Variants in NRXN3 observed in about 807,000 individuals in gnomAD.
NRXN3 encodes neurexin 3.
In NRXN3, 32 loss-of-function variants were observed where a neutral mutation model predicts 137.6. The observed-to-expected ratio is 0.23, with a 90% CI of 0.18 to 0.31. NRXN3 has a LOEUF of 0.31. Ranked by LOEUF, NRXN3 falls within the 10% of genes least tolerant of loss-of-function variation. NRXN3 has a pLI of 1.00. For missense variants in NRXN3, 1,574 were observed against 2,062.5 expected (o/e 0.76, Z 4.59); for synonymous variants, 798 against 784.5 (o/e 1.02, Z -0.29).
At chr14:78,847,805 A>G (rs1421647937) in intron 10 of NRXN3, among the ~76,000 whole-genome samples, 2 of 152,088 alleles carry the variant, frequency 1.3e-5, no homozygotes, top group South Asian at 2.1e-4. Flanking sequence ...GTTTTGGAGA[A>G]CCAGGTGTCA....
At chr14:79,114,371 T>G (rs2054033486) in intron 15 of NRXN3, among the ~76,000 whole-genome samples, 1 of 152,180 alleles carries the variant, frequency 6.6e-6, no homozygotes, top group Non-Finnish European at 1.5e-5. Flanking sequence ...ATTCTTTTTT[T>G]TTGTTATGAG....
intron 4 of NRXN3, among the ~76,000 whole-genome samples, chr14:78,598,205 A>T (rs1360024663): frequency 6.6e-6 from 1 of 152,140 alleles, no homozygotes; most frequent in Non-Finnish European, 1.5e-5. Context: ...AGAGGCGTGG[A>T]TGTGACTCTG....
At chr14:78,439,138 A>G (rs1465521130) in intron 4 of NRXN3, among the ~76,000 whole-genome samples, 1 of 152,120 alleles carries the variant, frequency 6.6e-6, no homozygotes, top group Non-Finnish European at 1.5e-5. Context: ...GGGAACACAG[A>G]GCCAGTGGGG....
At chr14:79,039,374 A>T (rs2099621411) in intron 15 of NRXN3, among the ~76,000 whole-genome samples, 1 of 152,160 alleles carries the variant, frequency 6.6e-6, no homozygotes, top group African/African-American at 2.4e-5. Flanking sequence ...TTAATATAAC[A>T]GTTTCCACTC....
intron 4 of NRXN3, among the ~76,000 whole-genome samples, chr14:78,604,367 A>G (rs1289822139): frequency 1.3e-5 from 2 of 151,956 alleles, no homozygotes; most frequent in Non-Finnish European, 2.9e-5. Flanking sequence ...AGGGATGACA[A>G]GAGAGTCACA....
chr14:79,728,944 T>C (rs1479148729), intron 19 of NRXN3, among the ~76,000 whole-genome samples: 1 of 152,188 alleles, frequency 6.6e-6, no homozygotes, highest in Non-Finnish European at 1.5e-5. Flanking sequence ...GAACACCTAC[T>C]ATGTGCCAGG....
chr14:79,790,224 C>T (rs1361429651), intron 19 of NRXN3, among the ~76,000 whole-genome samples: 1 of 152,088 alleles, frequency 6.6e-6, no homozygotes, highest in African/African-American at 2.4e-5. Flanking sequence ...CTGGTAAGGC[C>T]TCAAGAAGCT....
intron 16 of NRXN3, among the ~76,000 whole-genome samples, chr14:79,541,739 C>G (rs2097274895): frequency 6.6e-6 from 1 of 152,172 alleles, no homozygotes; most frequent in Non-Finnish European, 1.5e-5. Context: ...CCTAATGCCT[C>G]TAGCCAAAGA....
intron 16 of NRXN3, among the ~76,000 whole-genome samples, chr14:79,649,758 C>A (rs1408447031): frequency 6.6e-6 from 1 of 152,292 alleles, no homozygotes; most frequent in African/African-American, 2.4e-5. Context: ...TAGTTTCAAT[C>A]TTCTAAACTT....
At chr14:79,474,840 G>A (rs1050243323) in intron 16 of NRXN3, among the ~76,000 whole-genome samples, 1 of 151,900 alleles carries the variant, frequency 6.6e-6, no homozygotes, top group Non-Finnish European at 1.5e-5. Context: ...AAGAGGAGGA[G>A]GAAGGAGGAG....
chr14:79,097,242 G>A (rs1012262130), intron 15 of NRXN3, among the ~76,000 whole-genome samples: 1 of 152,118 alleles, frequency 6.6e-6, no homozygotes, highest in Non-Finnish European at 1.5e-5. Flanking sequence ...GAAACAGGAG[G>A]AGAAAAAGCA....
chr14:79,456,667 T>C (rs73339468), intron 15 of NRXN3, among the ~76,000 whole-genome samples: 17,852 of 151,396 alleles, frequency 0.12, 2,949 homozygotes, highest in African/African-American at 0.36. Context: ...CAGAGGTTGC[T>C]GTGAGCCCTG....
intron 20 of NRXN3, among the ~76,000 whole-genome samples, chr14:79,809,847 C>T (rs745956448): frequency 2.6e-5 from 4 of 152,158 alleles, no homozygotes; most frequent in Middle Eastern, 3.4e-3. Flanking sequence ...AGAAGAAAAA[C>T]GGATGAGCTG....
chr14:79,108,742 T>C (rs756612666), intron 15 of NRXN3, among the ~76,000 whole-genome samples: 1 of 152,076 alleles, frequency 6.6e-6, no homozygotes, highest in Non-Finnish European at 1.5e-5. Flanking sequence ...AATACATACA[T>C]ACTCAAAAAT....
At chr14:79,059,796 A>G (rs2099671916) in intron 15 of NRXN3, among the ~76,000 whole-genome samples, 1 of 152,220 alleles carries the variant, frequency 6.6e-6, no homozygotes, top group South Asian at 2.1e-4. Flanking sequence ...GGAAATCAAA[A>G]GAATGAGAGC....
chr14:78,601,608 A>G (rs1221921398), intron 4 of NRXN3, among the ~76,000 whole-genome samples: 2 of 151,856 alleles, frequency 1.3e-5, no homozygotes, highest in Non-Finnish European at 2.9e-5. Flanking sequence ...ACCCGCCACC[A>G]CGCCCGGCTA....
intron 16 of NRXN3, among the ~76,000 whole-genome samples, chr14:79,642,395 A>G (rs1468267265): frequency 1.5e-5 from 2 of 135,902 alleles, no homozygotes; most frequent in Admixed American, 7.8e-5. Flanking sequence ...ATGAATTTAC[A>G]TTCATCTTAA....
At chr14:79,627,689 A>G (rs2098297479) in intron 16 of NRXN3, among the ~76,000 whole-genome samples, 1 of 152,194 alleles carries the variant, frequency 6.6e-6, no homozygotes, top group Non-Finnish European at 1.5e-5. Context: ...GCTGTGTGAC[A>G]CTGGGTATGG....
intron 16 of NRXN3, among the ~76,000 whole-genome samples, chr14:79,522,133 A>G (rs60209844): frequency 0.2 from 30,251 of 152,122 alleles, 3,269 homozygotes; most frequent in Middle Eastern, 0.3. Context: ...ATTGAAAAAA[A>G]TCATGGTACT....
Sources: gnomAD v4.1 joint callset for allele counts (sites outside exome capture counted in the v4.1 genomes callset) on GRCh38, gnomAD v4.1.1 for gene constraint, MANE v1.5 for transcripts, NCBI Gene and HGNC (gene_info 2026-07-23, HGNC 2026-07-21) for gene names.